Variants in CAMK2D observed in about 807,000 individuals in gnomAD.
CAMK2D encodes the protein calcium/calmodulin-dependent protein kinase type II subunit delta.
In CAMK2D, 37 loss-of-function variants were observed where a neutral mutation model predicts 84.0. The observed-to-expected ratio is 0.44, with a 90% CI of 0.34 to 0.58. The LOEUF is 0.58. Among genes scored for constraint, CAMK2D ranks in the 20% least tolerant of loss-of-function variants. CAMK2D has a pLI of 0.02. For missense variants in CAMK2D, 448 were observed against 652.5 expected (o/e 0.69, Z 3.41); for synonymous variants, 202 against 212.5 (o/e 0.95, Z 0.43).
At chr4:113,620,184 C>G (rs905178907) in intron 3 of CAMK2D, among the ~76,000 whole-genome samples, 1 of 151,996 alleles carries the variant, frequency 6.6e-6, no homozygotes, top group African/African-American at 2.4e-5. Flanking sequence ...CAGTGAAGAG[C>G]GAGAAAACAT....
chr4:113,542,705 ATTC>A (rs1268079051), intron 6 of CAMK2D, among the ~76,000 whole-genome samples: 1 of 140,854 alleles, frequency 7.1e-6, no homozygotes, highest in Non-Finnish European at 1.5e-5. Flanking sequence ...ACAGAGCGAG[ATTC>A]CGTCTCAAAA....
At chr4:113,543,005 A>C (rs954980478) in intron 6 of CAMK2D, among the ~76,000 whole-genome samples, 2 of 152,210 alleles carry the variant, frequency 1.3e-5, no homozygotes, top group Non-Finnish European at 2.9e-5. Flanking sequence ...TGTTGCTAAA[A>C]GATTCAGTTG....
At chr4:113,625,076 G>T (rs2099061890) in intron 3 of CAMK2D, among the ~76,000 whole-genome samples, 1 of 152,138 alleles carries the variant, frequency 6.6e-6, no homozygotes, top group Admixed American at 6.6e-5. Flanking sequence ...GGTGATCAAT[G>T]GAGCAGATAC....
chr4:113,565,676 C>CAA (rs11341070), intron 4 of CAMK2D, among the ~76,000 whole-genome samples: 29 of 147,766 alleles, frequency 2.0e-4, no homozygotes, highest in African/African-American at 7.3e-4. Context: ...AGAAGTCACA[C>CAA]AAAAAAAACG....
chr4:113,749,814 G>C (rs554831275), intron 2 of CAMK2D, among the ~76,000 whole-genome samples: 2 of 152,136 alleles, frequency 1.3e-5, no homozygotes, highest in African/African-American at 2.4e-5. Flanking sequence ...CAATAAAGCA[G>C]AATTTGTCAT....
intron 4 of CAMK2D, among the ~76,000 whole-genome samples, chr4:113,590,355 T>C (rs1444330154): frequency 1.3e-5 from 2 of 152,172 alleles, no homozygotes; most frequent in Non-Finnish European, 1.5e-5. Flanking sequence ...AATGGAAATA[T>C]ATCAGACACA....
chr4:113,565,980 C>G (rs2098721884), intron 4 of CAMK2D, among the ~76,000 whole-genome samples: 1 of 152,110 alleles, frequency 6.6e-6, no homozygotes, highest in Non-Finnish European at 1.5e-5. Flanking sequence ...ATCAGAATTT[C>G]TACATATTTT....
At chr4:113,647,706 G>A (rs1038520782) in intron 3 of CAMK2D, among the ~76,000 whole-genome samples, 24 of 152,190 alleles carry the variant, frequency 1.6e-4, no homozygotes, top group Non-Finnish European at 2.5e-4. Context: ...GTTGAAAACT[G>A]TTACCTTAAA....
intron 16 of CAMK2D, among the ~76,000 whole-genome samples, chr4:113,473,659 C>A (rs2154120481): frequency 1.3e-5 from 2 of 152,160 alleles, no homozygotes; most frequent in East Asian, 1.9e-4. Context: ...ATTATTCAAA[C>A]CATCTTTGAA....
intron 4 of CAMK2D, among the ~76,000 whole-genome samples, chr4:113,569,428 C>T (rs1265159590): frequency 6.6e-6 from 1 of 151,988 alleles, no homozygotes; most frequent in Non-Finnish European, 1.5e-5. Flanking sequence ...GGTAAGGGTC[C>T]AACTTTTAAA....
At chr4:113,733,194 G>C (rs2099573203) in intron 2 of CAMK2D, among the ~76,000 whole-genome samples, 1 of 152,106 alleles carries the variant, frequency 6.6e-6, no homozygotes, top group South Asian at 2.1e-4. Flanking sequence ...ACCAGAATCA[G>C]GAATGAAAGA....
intron 2 of CAMK2D, among the ~76,000 whole-genome samples, chr4:113,731,236 G>A (rs1004661667): frequency 7.2e-5 from 11 of 152,138 alleles, no homozygotes; most frequent in African/African-American, 2.7e-4. Flanking sequence ...TAAGGGTTAG[G>A]AGAACTAAGA....
intron 16 of CAMK2D, 127 bp downstream of exon 16, chr4:113,500,332 CATAA>C (rs1375182491): frequency 4.1e-6 from 2 of 492,054 alleles, no homozygotes; most frequent in Non-Finnish European, 3.6e-6. Context: ...ATTTTTTACT[CATAA>C]ATAAAATATT....
chr4:113,683,431 C>T (rs1018555441), intron 2 of CAMK2D, among the ~76,000 whole-genome samples: 2 of 152,238 alleles, frequency 1.3e-5, no homozygotes, highest in African/African-American at 2.4e-5. Context: ...GGAGATGGTA[C>T]TCCCAATGAA....
chr4:113,623,118 T>C (rs2099053243), intron 3 of CAMK2D, among the ~76,000 whole-genome samples: 1 of 152,142 alleles, frequency 6.6e-6, no homozygotes, highest in Non-Finnish European at 1.5e-5. Context: ...AAAATGATTC[T>C]CAAAGGTTAT....
rs529709773 is a variant in CAMK2D at position 113,547,601 on chromosome 4, AG to A, written c.414+42del. 559 of 1,278,528 alleles carry A rather than the reference AG, an allele frequency of 4.4e-4. 3 individuals carry two copies. In the African/African-American group the frequency reaches 7.1e-3, roughly 16 times the overall value. 79.2% of individuals were successfully genotyped at this position (1,278,528 alleles called of 1,614,324 possible). ...GCATAATTGCAGCTGAACAGTCATTAGGAACTGTGTGGTGGTTTATCTTCTT... is the reference window on the plus strand; with the variant it reads ...GCATAATTGCAGCTGAACAGTCATTAGAACTGTGTGGTGGTTTATCTTCTT... On this transcript the variant is annotated intron_variant, in intron 6 of 20. Coordinates refer to ENST00000511664, the MANE Select transcript of CAMK2D (RefSeq NM_001321571.2).
intron 4 of CAMK2D, among the ~76,000 whole-genome samples, chr4:113,563,916 G>A (rs940194534): frequency 2.0e-5 from 3 of 152,164 alleles, no homozygotes; most frequent in Non-Finnish European, 4.4e-5. Context: ...AAAAGGGGAA[G>A]AGGGAACTTA....
intron 8 of CAMK2D, among the ~76,000 whole-genome samples, chr4:113,518,455 A>G (rs927622029): frequency 6.6e-6 from 1 of 152,202 alleles, no homozygotes; most frequent in Non-Finnish European, 1.5e-5. Flanking sequence ...TTTCCCTGAA[A>G]TCATATCTGC....
At chr4:113,615,726 C>T (rs939184989) in intron 3 of CAMK2D, among the ~76,000 whole-genome samples, 1 of 151,896 alleles carries the variant, frequency 6.6e-6, no homozygotes, top group Non-Finnish European at 1.5e-5. Context: ...GAAATATAGA[C>T]AGGTATAGAT....
Sources: allele counts gnomAD v4.1 joint callset (sites outside exome capture counted in the v4.1 genomes callset), GRCh38; gene constraint gnomAD v4.1.1; transcripts MANE v1.5; gene names NCBI Gene and HGNC (gene_info 2026-07-23, HGNC 2026-07-21).